The following FRMD4B variants were observed in gnomAD, a reference collection of about 807,000 sequenced individuals.
FRMD4B encodes the protein FERM domain-containing protein 4B.
In FRMD4B, 74 loss-of-function variants were observed where a neutral mutation model predicts 141.5. The observed-to-expected ratio is 0.52, with a 90% CI of 0.43 to 0.63. FRMD4B has a LOEUF of 0.63. Ranked by LOEUF, FRMD4B falls within the 30% of genes least tolerant of loss-of-function variation. The pLI, the probability that FRMD4B is intolerant of heterozygous loss-of-function variation, is 0.00. For synonymous variants in FRMD4B, 506 were observed against 467.9 expected, an observed-to-expected ratio of 1.08 and a Z score of -1.05; for missense variants, 1,366 against 1,253.4, an observed-to-expected ratio of 1.09 and a Z score of -1.36.
At chr3:69,231,003 A>G (rs1007039373) in intron 7 of FRMD4B, among the ~76,000 whole-genome samples, 1 of 152,212 alleles carries the variant, frequency 6.6e-6, no homozygotes, top group African/African-American at 2.4e-5. Context: ...AAACAATCAC[A>G]CATAGGTGAT....
At chr3:69,322,710 C>A (rs572323689) in intron 1 of FRMD4B, among the ~76,000 whole-genome samples, 1 of 151,924 alleles carries the variant, frequency 6.6e-6, no homozygotes, top group South Asian at 2.1e-4. Flanking sequence ...AGTCCTCCCA[C>A]CTCAGCCTCC....
At chr3:69,445,076 C>T (rs1705392261) in intron 1 of FRMD4B, among the ~76,000 whole-genome samples, 1 of 152,176 alleles carries the variant, frequency 6.6e-6, no homozygotes, top group African/African-American at 2.4e-5. Context: ...CTCCTCCGAG[C>T]ACTCCCGCTG....
intron 1 of FRMD4B, among the ~76,000 whole-genome samples, chr3:69,372,289 C>T (rs2107493004): frequency 6.6e-6 from 1 of 152,360 alleles, no homozygotes; most frequent in South Asian, 2.1e-4. Context: ...CAGGGCCTAC[C>T]TCTGTCTGTT....
intron 22 of FRMD4B, among the ~76,000 whole-genome samples, chr3:69,173,068 G>T (rs1046242784): frequency 6.6e-6 from 1 of 152,164 alleles, no homozygotes; most frequent in Non-Finnish European, 1.5e-5. Context: ...TAGCAAAAGA[G>T]AATTTACAAC....
At chr3:69,497,478 T>C (rs34361869) in intron 1 of FRMD4B, among the ~76,000 whole-genome samples, 2,176 of 152,258 alleles carry the variant, frequency 0.014, 23 homozygotes, top group Non-Finnish European at 0.022. Flanking sequence ...GGCCCAGTTA[T>C]ATGCAGTGGT....
At chr3:69,481,099 C>T (rs1031876562) in intron 1 of FRMD4B, among the ~76,000 whole-genome samples, 4 of 152,164 alleles carry the variant, frequency 2.6e-5, no homozygotes, top group African/African-American at 9.7e-5. Context: ...CCTGATTTTC[C>T]AGGTGCTGTC....
chr3:69,485,206 CAG>C (rs1706195339), intron 1 of FRMD4B, among the ~76,000 whole-genome samples: 1 of 152,234 alleles, frequency 6.6e-6, no homozygotes, highest in Admixed American at 6.5e-5. Flanking sequence ...TGGGCTGTGA[CAG>C]TGGCTGGGCT....
At chr3:69,333,388 C>T (rs150844863) in intron 1 of FRMD4B, among the ~76,000 whole-genome samples, 3 of 152,138 alleles carry the variant, frequency 2.0e-5, no homozygotes, top group African/African-American at 7.2e-5. Context: ...GGGGATGAAA[C>T]GTGGAGAAAA....
chr3:69,454,799 G>C (rs974529158), intron 1 of FRMD4B, among the ~76,000 whole-genome samples: 5 of 152,216 alleles, frequency 3.3e-5, no homozygotes, highest in Non-Finnish European at 5.9e-5. Flanking sequence ...ACTGCTAAAG[G>C]GCTGAGGAGG....
chr3:69,494,524 C>T (rs1706353632), intron 1 of FRMD4B, among the ~76,000 whole-genome samples: 1 of 152,170 alleles, frequency 6.6e-6, no homozygotes, highest in Admixed American at 6.5e-5. Context: ...GAACTACAAT[C>T]ATGAAAGCCA....
At chr3:69,187,226 G>A (rs2107617184) in intron 19 of FRMD4B, among the ~76,000 whole-genome samples, 1 of 152,162 alleles carries the variant, frequency 6.6e-6, no homozygotes, top group East Asian at 1.9e-4. Flanking sequence ...CAAGGAAATG[G>A]TCAAATGCAT....
At chr3:69,483,029 T>C (rs574441487) in intron 1 of FRMD4B, among the ~76,000 whole-genome samples, 4 of 152,350 alleles carry the variant, frequency 2.6e-5, no homozygotes, top group East Asian at 1.9e-4. Context: ...TGTTCAATTT[T>C]AGGCTAGGAA....
chr3:69,317,756 A>AC, intron 1 of FRMD4B, among the ~76,000 whole-genome samples: 1 of 105,036 alleles, frequency 9.5e-6, no homozygotes, highest in African/African-American at 3.4e-5. Context: ...CACCAACTCA[A>AC]AAAAAAAAAA....
At chr3:69,398,528 T>G (rs968272375) in intron 2 of FRMD4B, among the ~76,000 whole-genome samples, 1 of 152,238 alleles carries the variant, frequency 6.6e-6, no homozygotes, top group Non-Finnish European at 1.5e-5. Flanking sequence ...CACATACTAC[T>G]TTTTGATTTC....
At chr3:69,432,090 T>C (rs1458953055) in intron 2 of FRMD4B, among the ~76,000 whole-genome samples, 1 of 152,072 alleles carries the variant, frequency 6.6e-6, no homozygotes, top group Non-Finnish European at 1.5e-5. Context: ...AAAAAAGCAG[T>C]GGAAAATGGA....
chr3:69,169,868 A>C lies in FRMD4B; in HGVS notation c.*1993T>G, dbSNP rs1380253676. 2 of 152,230 alleles carry C rather than the reference A, an allele frequency of 1.3e-5. No homozygotes were observed. Among genetic ancestry groups the C allele is most frequent in the Admixed American group, 1.3e-4 (2 of 15,280 alleles). 9.4% of individuals were successfully genotyped at this position (152,230 alleles called of 1,614,324 possible). On this transcript the variant is annotated 3_prime_UTR_variant, in exon 23 of 23. Coordinates refer to ENST00000398540, the MANE Select transcript of FRMD4B (RefSeq NM_015123.3). ...GTCAGAGAACTAATTTCTTGAATTT[A>C]GAAGACCTGTTTGCCAGTCTGTGAA...
At chr3:69,260,525 G>C (rs2093519771) in intron 5 of FRMD4B, among the ~76,000 whole-genome samples, 1 of 152,228 alleles carries the variant, frequency 6.6e-6, no homozygotes, top group Non-Finnish European at 1.5e-5. Context: ...GCAGGGCTTG[G>C]GACCTGCAGC....
In FRMD4B at chr3:69,245,605, C is replaced by T. The variant is rs147968675; in HGVS notation, c.581+3621G>A. Among the ~76,000 whole-genome samples, 634 of 151,952 alleles carry T rather than the reference C, an allele frequency of 4.2e-3. 2 individuals are homozygous for T. Among genetic ancestry groups the T allele is most frequent in the African/African-American group, 0.015 (605 of 41,400 alleles). ...CGAGTGATCCGCCTATCTCGGCCTC[C>T]TAAAATGCTGGGATTACAGAAGTGA... On this transcript the variant is annotated intron_variant, in intron 7 of 22. Transcript: ENST00000398540.
intron 2 of FRMD4B, among the ~76,000 whole-genome samples, chr3:69,405,721 C>T (rs1704639623): frequency 6.6e-6 from 1 of 152,144 alleles, no homozygotes; most frequent in Non-Finnish European, 1.5e-5. Context: ...ATCTGGCTCA[C>T]TCCGATACCA....
Sources: gnomAD v4.1 joint callset for allele counts (sites outside exome capture counted in the v4.1 genomes callset) on GRCh38, gnomAD v4.1.1 for gene constraint, MANE v1.5 for transcripts, NCBI Gene and HGNC (gene_info 2026-07-23, HGNC 2026-07-21) for gene names.